Variants in NDC1 observed in about 807,000 individuals in gnomAD.
NDC1 encodes NDC1 transmembrane nucleoporin.
In NDC1, 24 loss-of-function variants were observed where a neutral mutation model predicts 89.8. That is an observed-to-expected ratio of 0.27 (90% CI 0.19 to 0.38). The LOEUF (loss-of-function observed/expected upper bound fraction) is 0.38, where lower values mean the gene tolerates loss of function less well. NDC1 is among the 10% of genes least tolerant of loss of function. The pLI is 1.00. For missense variants in NDC1, 728 were observed against 797.6 expected (o/e 0.91, Z 1.05); for synonymous variants, 296 against 284.8 (o/e 1.04, Z -0.39).
chr1:53,799,148 T>G (rs1647825310), intron 11 of NDC1, among the ~76,000 whole-genome samples: 1 of 152,214 alleles, frequency 6.6e-6, no homozygotes, highest in Non-Finnish European at 1.5e-5. Flanking sequence ...ATCTAAACTT[T>G]TTTTGTTGCA....
At chr1:53,837,735 AAGG>A (rs1285719538) in intron 1 of NDC1, among the ~76,000 whole-genome samples, 2 of 152,196 alleles carry the variant, frequency 1.3e-5, no homozygotes, top group African/African-American at 2.4e-5. Flanking sequence ...CCGTAACTTT[AAGG>A]AGGAAGTACT....
intron 17 of NDC1, among the ~76,000 whole-genome samples, chr1:53,768,768 T>C (rs1241610972): frequency 1.3e-5 from 2 of 152,210 alleles, no homozygotes; most frequent in East Asian, 3.8e-4. Flanking sequence ...TGCCCTAAAA[T>C]GTCTTATAGA....
At chr1:53,795,849 C>A (rs1647679689) in intron 13 of NDC1, among the ~76,000 whole-genome samples, 1 of 152,204 alleles carries the variant, frequency 6.6e-6, no homozygotes, top group Admixed American at 6.5e-5. Context: ...TTCTTGTGGG[C>A]AAGACCATAC....
intron 16 of NDC1, among the ~76,000 whole-genome samples, chr1:53,784,912 C>T (rs1373258406): frequency 6.6e-6 from 1 of 151,660 alleles, no homozygotes; most frequent in Non-Finnish European, 1.5e-5. Context: ...GAGCTGAGAT[C>T]ACGCCACTGC....
intron 6 of NDC1, among the ~76,000 whole-genome samples, chr1:53,812,209 C>A (rs1285408950): frequency 6.6e-6 from 1 of 152,012 alleles, no homozygotes; most frequent in Non-Finnish European, 1.5e-5. Context: ...TCTTCAACAC[C>A]CCCAAAAAAA....
Position 53,792,739 on chromosome 1 carries a change from C to T in NDC1, c.1635+490G>A, listed in dbSNP as rs78976798. On this transcript the variant is annotated intron_variant, in intron 14 of 17. Coordinates refer to ENST00000371429, the MANE Select transcript of NDC1 (RefSeq NM_018087.5). The stretch of plus-strand genomic sequence containing the variant: ...CTTTAGCTTCTACAACTGAGATTTA[C>T]TCTCCTGTGGCAGCTGGAACAGCTG... 6.5e-3 allele frequency among the ~76,000 whole-genome samples: 996 copies of T among 152,358 alleles called. 9 individuals are homozygous for T. Among genetic ancestry groups the T allele is most frequent in the Non-Finnish European group, 0.011 (736 of 68,036 alleles).
chr1:53,817,492 G>A (rs1442427279), intron 6 of NDC1, among the ~76,000 whole-genome samples: 1 of 152,164 alleles, frequency 6.6e-6, no homozygotes, highest in Non-Finnish European at 1.5e-5. Context: ...AAGCAAGAGT[G>A]GGAGGGGGAT....
chr1:53,803,415 T>C (rs1352616465), intron 10 of NDC1, among the ~76,000 whole-genome samples: 1 of 151,698 alleles, frequency 6.6e-6, no homozygotes, highest in Non-Finnish European at 1.5e-5. Context: ...AAATTGTCAG[T>C]GTACTAAATA....
At chr1:53,787,130 AC>A (rs1197529637) in intron 16 of NDC1, 27 bp downstream of exon 16, 1 of 1,245,838 alleles carries the variant, frequency 8.0e-7, no homozygotes, top group Non-Finnish European at 1.2e-6. Flanking sequence ...GATGACCTCT[AC>A]CCCCTCCCAA....
intron 16 of NDC1, among the ~76,000 whole-genome samples, chr1:53,786,627 A>G (rs1376543701): frequency 6.6e-6 from 1 of 152,216 alleles, no homozygotes; most frequent in East Asian, 1.9e-4. Flanking sequence ...CAGGTTTAGT[A>G]TACTTTCTTT....
chr1:53,806,006 G>A (rs112065395), intron 9 of NDC1, among the ~76,000 whole-genome samples: 3 of 152,116 alleles, frequency 2.0e-5, no homozygotes, highest in Non-Finnish European at 2.9e-5. Flanking sequence ...CCCGGGAGGC[G>A]GAGCTTGCAG....
intron 16 of NDC1, among the ~76,000 whole-genome samples, chr1:53,779,920 A>G (rs935706022): frequency 2.6e-5 from 4 of 152,190 alleles, no homozygotes; most frequent in Admixed American, 2.6e-4. Context: ...CTGGCCCTCA[A>G]GAATATTCCT....
At chr1:53,782,615 G>A (rs1026719682) in intron 16 of NDC1, among the ~76,000 whole-genome samples, 1 of 152,214 alleles carries the variant, frequency 6.6e-6, no homozygotes, top group African/African-American at 2.4e-5. Flanking sequence ...CCTGGAGCAA[G>A]GGCTCTTACA....
intron 7 of NDC1, among the ~76,000 whole-genome samples, chr1:53,808,450 A>G (rs958499433): frequency 6.6e-6 from 1 of 152,220 alleles, no homozygotes; most frequent in African/African-American, 2.4e-5. Flanking sequence ...TCATCCATAT[A>G]AGAGTGGCAT....
intron 16 of NDC1, among the ~76,000 whole-genome samples, chr1:53,777,965 C>T (rs1647175873): frequency 1.3e-5 from 2 of 152,038 alleles, no homozygotes; most frequent in Non-Finnish European, 2.9e-5. Context: ...TTCCAAAGTG[C>T]TGGGATTACA....
rs12036543 is a variant in NDC1 at position 53,772,718 on chromosome 1, T to A, written c.1801-229A>T. Among the ~76,000 whole-genome samples the A allele has an allele frequency of 3.4e-4, 41 of 122,356 alleles. No individual in the cohort carries two copies. The highest frequency in any genetic ancestry group is 6.5e-4 in the Non-Finnish European group (36 of 55,052). 80.3% of individuals were successfully genotyped at this position (122,356 alleles called of 152,430 possible). ...TAACATAACATAACATAACATAACA[T>A]AACAAAACAAAACAAACATAATATA... On this transcript the variant is annotated intron_variant, in intron 16 of 17. Coordinates refer to ENST00000371429, the MANE Select transcript of NDC1 (RefSeq NM_018087.5).
intron 10 of NDC1, among the ~76,000 whole-genome samples, chr1:53,803,574 T>A (rs1174363068): frequency 8.5e-6 from 1 of 117,048 alleles, no homozygotes; most frequent in South Asian, 2.2e-4. Flanking sequence ...AGTTAATTAA[T>A]TTTTTTTTTC....
chr1:53,782,538 A>C (rs1007901527), intron 16 of NDC1, among the ~76,000 whole-genome samples: 5 of 152,228 alleles, frequency 3.3e-5, no homozygotes, highest in African/African-American at 1.2e-4. Context: ...CATGGGGAAA[A>C]GGAACTGGAA....
chr1:53,772,899 A>G (rs1283492309), intron 16 of NDC1, among the ~76,000 whole-genome samples: 1 of 152,100 alleles, frequency 6.6e-6, no homozygotes. Context: ...TCACAGTCAA[A>G]ATAGTTTCAT....
Sources: allele counts gnomAD v4.1 joint callset (sites outside exome capture counted in the v4.1 genomes callset), GRCh38; gene constraint gnomAD v4.1.1; transcripts MANE v1.5; gene names NCBI Gene and HGNC (gene_info 2026-07-23, HGNC 2026-07-21).